DHX15: variants seen among roughly 807,000 people sequenced by gnomAD.
The protein encoded by DHX15 is ATP-dependent RNA helicase DHX15.
Under a neutral mutation model 94.4 loss-of-function variants are expected in DHX15, and 11 were observed. That is an observed-to-expected ratio of 0.12 (90% CI 0.07 to 0.19). DHX15 has a LOEUF of 0.19. DHX15 is among the 10% of genes least tolerant of loss of function. The pLI, the probability that DHX15 is intolerant of heterozygous loss-of-function variation, is 1.00. For synonymous variants in DHX15, 338 were observed against 329.9 expected (o/e 1.02, Z -0.27); for missense variants, 304 against 988.5 (o/e 0.31, Z 9.29).
chr4:24,533,354 T>TG, intron 11 of DHX15: 1 of 407,152 alleles, frequency 2.5e-6, no homozygotes, highest in Admixed American at 3.6e-5. Context: ...TTCCAAAAGA[T>TG]GGTCTATCAG....
chr4:24,544,969 G>C (rs1267080514), intron 6 of DHX15, among the ~76,000 whole-genome samples: 1 of 152,140 alleles, frequency 6.6e-6, no homozygotes, highest in African/African-American at 2.4e-5. Flanking sequence ...AAATTAGCCA[G>C]GCATGGTGGC....
At chr4:24,555,596 T>C (rs1721719609) in intron 4 of DHX15, among the ~76,000 whole-genome samples, 1 of 152,198 alleles carries the variant, frequency 6.6e-6, no homozygotes, top group African/African-American at 2.4e-5. Flanking sequence ...AGTCTCACTC[T>C]GTCACCAGGC....
intron 6 of DHX15, among the ~76,000 whole-genome samples, chr4:24,544,649 A>G (rs1577336591): frequency 6.6e-6 from 1 of 152,222 alleles, no homozygotes; most frequent in Non-Finnish European, 1.5e-5. Context: ...GAAGCGATGA[A>G]TTTAGAGGTA....
At position 24,584,424 on chromosome 4, in the gene DHX15, G is replaced by A. The variant is rs930117667; in HGVS notation, c.-31C>T. The A allele has an allele frequency of 3.1e-6, 5 of 1,604,492 alleles. No homozygotes were observed. The African/African-American group carries it at 5.4e-5, about 17-fold the overall frequency. On this transcript the variant is annotated 5_prime_UTR_variant, in exon 1 of 14. Coordinates refer to ENST00000336812, the MANE Select transcript of DHX15 (RefSeq NM_001358.3). ...CACTCTTCGAACGGGCAGTTATTAA[G>A]GAAGAAAGCTGGCTGCTGTATGGGC...
chr4:24,542,532 TAA>T (rs1398145668), intron 7 of DHX15, among the ~76,000 whole-genome samples: 1 of 152,172 alleles, frequency 6.6e-6, no homozygotes, highest in Non-Finnish European at 1.5e-5. Flanking sequence ...ACAGCACTGT[TAA>T]ACTAGAGGAG....
chr4:24,574,212 A>G (rs111288266), intron 2 of DHX15, among the ~76,000 whole-genome samples: 14 of 134,760 alleles, frequency 1.0e-4, no homozygotes, highest in African/African-American at 2.2e-4. Flanking sequence ...TCTCAAAAAA[A>G]AAAAAAAAAA....
chr4:24,532,775 CTT>C, intron 12 of DHX15, 87 bp downstream of exon 12: 1 of 1,009,542 alleles, frequency 9.9e-7, no homozygotes, highest in East Asian at 2.4e-5. Context: ...CACAAACTCA[CTT>C]TTGCTTTTGA....
intron 3 of DHX15, among the ~76,000 whole-genome samples, chr4:24,569,167 T>C (rs1031398089): frequency 2.0e-5 from 3 of 152,222 alleles, no homozygotes; most frequent in African/African-American, 7.2e-5. Context: ...AATATTTATA[T>C]ATATAATTAT....
In DHX15 at chr4:24,573,855, G is replaced by C. The variant is rs188501848; in HGVS notation, c.507+2388C>G. ...ATTCCTTCCTCATGTGCAGTTATGT[G>C]TCTACTAAGCAGCAATGTGAAATGT... On this transcript the variant is annotated intron_variant, in intron 2 of 13. Transcript: ENST00000336812. Among the ~76,000 whole-genome samples, 75 of 152,114 alleles carry C rather than the reference G, an allele frequency of 4.9e-4. 1 individual carries two copies. The highest frequency in any genetic ancestry group is 4.4e-3 in the Admixed American group (67 of 15,266).
At chr4:24,541,073 G>A (rs868307728) in intron 8 of DHX15, 125 bp from the exon 9 acceptor site, 2 of 555,976 alleles carry the variant, frequency 3.6e-6, no homozygotes, top group East Asian at 3.1e-5. Context: ...TGTCTCAGTA[G>A]AGATAAATAC....
chr4:24,528,771 C>T (rs1577329762), intron 13 of DHX15, among the ~76,000 whole-genome samples: 1 of 152,254 alleles, frequency 6.6e-6, no homozygotes, highest in East Asian at 1.9e-4. Flanking sequence ...TCTTACTCTA[C>T]ATTTTGTAGA....
At chr4:24,581,449 T>C (rs13147172) in intron 1 of DHX15, among the ~76,000 whole-genome samples, 35,291 of 152,212 alleles carry the variant, frequency 0.23, 5,152 homozygotes, top group Non-Finnish European at 0.33. Context: ...TTATAGTTCA[T>C]ATTTTTGAGT....
intron 1 of DHX15, among the ~76,000 whole-genome samples, chr4:24,583,623 A>C (rs1280089170): frequency 6.6e-6 from 1 of 152,048 alleles, no homozygotes; most frequent in African/African-American, 2.4e-5. Context: ...GAATGGACCA[A>C]GGCACGCTCT....
rs1226769527 is a variant in DHX15 at position 24,527,935 on chromosome 4, A to C, written c.2377T>G (p.Ser793Ala). The change falls in exon 14 of 14, where the codon TCA becomes GCA. Residue 793 changes from serine to alanine, a missense_variant. Ser to Ala is a moderately conservative substitution (Grantham distance 99). This residue lies in a region of DHX15 where 14 missense variants were observed against 17.3 expected (regional missense o/e 0.81). Transcript: ENST00000336812. Reference sequence around the variant, plus strand: ...TCTAAGCACTGAATTCAGTACTGTGAATATTCCTTGGATTGAAGTTTGGCA... The same window carrying C: ...TCTAAGCACTGAATTCAGTACTGTGCATATTCCTTGGATTGAAGTTTGGCA... ...IIAKLQSKEYSQY is the reference protein window; with the variant it reads ...IIAKLQSKEYAQY 2 of 1,610,928 alleles carry C rather than the reference A, an allele frequency of 1.2e-6. No homozygotes were observed. Among genetic ancestry groups the C allele is most frequent in the Admixed American group, 3.3e-5 (2 of 59,998 alleles).
chr4:24,579,413 A>G (rs1722353397), intron 1 of DHX15, among the ~76,000 whole-genome samples: 1 of 152,244 alleles, frequency 6.6e-6, no homozygotes, highest in South Asian at 2.1e-4. Context: ...TTTCTTTTTT[A>G]AAAGATACTT....
chr4:24,576,037 A>T (rs1722260688), intron 2 of DHX15, among the ~76,000 whole-genome samples: 1 of 152,184 alleles, frequency 6.6e-6, no homozygotes, highest in East Asian at 1.9e-4. Context: ...AAAAGCGAGC[A>T]CCACTATTTT....
At chr4:24,583,172 G>A (rs6853501) in intron 1 of DHX15, among the ~76,000 whole-genome samples, 39,638 of 152,060 alleles carry the variant, frequency 0.26, 5,451 homozygotes, top group East Asian at 0.44. Context: ...AAAGTATTTG[G>A]CTACTCGGGC....
chr4:24,540,058 A>C (rs1191979390), intron 10 of DHX15, 50 bp downstream of exon 10: 2 of 1,365,556 alleles, frequency 1.5e-6, no homozygotes, highest in Non-Finnish European at 1.9e-6. Context: ...AGTGAAGTCC[A>C]CCCAAACTTT....
intron 3 of DHX15, among the ~76,000 whole-genome samples, chr4:24,569,214 G>A (rs1722063506): frequency 6.6e-6 from 1 of 152,160 alleles, no homozygotes; most frequent in Non-Finnish European, 1.5e-5. Flanking sequence ...ACATGGGACA[G>A]GGAAATAAAT....
Sources: gnomAD v4.1 joint callset for allele counts (sites outside exome capture counted in the v4.1 genomes callset) on GRCh38, gnomAD v4.1.1 for gene constraint, gnomAD v4.1.1 regional missense constraint, MANE v1.5 for transcripts, NCBI Gene and HGNC (gene_info 2026-07-23, HGNC 2026-07-21) for gene names.